Variants in GRIP1 observed in about 807,000 individuals in gnomAD.
GRIP1 encodes glutamate receptor-interacting protein 1.
A neutral mutation model predicts 129.9 loss-of-function variants in GRIP1; 45 were observed. That is an observed-to-expected ratio of 0.35 (90% CI 0.27 to 0.44). The LOEUF is 0.44. Among genes scored for constraint, GRIP1 ranks in the 20% least tolerant of loss-of-function variants. The pLI, the probability that GRIP1 is intolerant of heterozygous loss-of-function variation, is 1.00. For missense variants in GRIP1, 1,196 were observed against 1,396.8 expected (o/e 0.86, Z 2.29); for synonymous variants, 530 against 520.8 (o/e 1.02, Z -0.24).
At chr12:66,377,638 C>CTTTTTTT (rs3045282) in intron 20 of GRIP1, among the ~76,000 whole-genome samples, 3 of 124,612 alleles carry the variant, frequency 2.4e-5, no homozygotes, top group African/African-American at 6.3e-5. Flanking sequence ...CGCACCCGGC[C>CTTTTTTT]TTTTTTTTTT....
intron 1 of GRIP1, among the ~76,000 whole-genome samples, chr12:66,710,120 C>T (rs904471334): frequency 2.0e-4 from 31 of 151,812 alleles, no homozygotes; most frequent in African/African-American, 7.3e-4. Flanking sequence ...TGCTTTCATA[C>T]TATATTCATT....
intron 1 of GRIP1, among the ~76,000 whole-genome samples, chr12:67,068,848 A>ACCCC (rs2043679653): frequency 4.2e-4 from 1 of 2,402 alleles, no homozygotes; most frequent in African/African-American, 1.4e-3. Context: ...CTGCCCTCTC[A>ACCCC]TCCCGCCCCC....
At chr12:66,832,011 C>T (rs981553455) in intron 1 of GRIP1, among the ~76,000 whole-genome samples, 9 of 151,032 alleles carry the variant, frequency 6.0e-5, no homozygotes, top group African/African-American at 2.2e-4. Flanking sequence ...CATGTTCCAT[C>T]CAGACTCACA....
chr12:66,431,370 C>T (rs1344456262), intron 14 of GRIP1, among the ~76,000 whole-genome samples: 1 of 152,116 alleles, frequency 6.6e-6, no homozygotes, highest in Non-Finnish European at 1.5e-5. Context: ...GGGATCTAGG[C>T]TCTCTCCCAT....
chr12:66,675,843 G>C (rs936676745), intron 1 of GRIP1, among the ~76,000 whole-genome samples: 8 of 152,278 alleles, frequency 5.3e-5, no homozygotes, highest in African/African-American at 7.2e-5. Flanking sequence ...ATAATGGCAG[G>C]CATGGGCCTT....
In GRIP1 at chr12:66,521,117, T is replaced by C. The variant is rs368642809; in HGVS notation, c.503-3141A>G. ...TCTAAACCTCTCAATGAGTTCCTAG[T>C]TCCACATCCTCTCTACTACTCACTT... On this transcript the variant is annotated intron_variant, in intron 5 of 24. Transcript: ENST00000359742. 3.3e-5 allele frequency among the ~76,000 whole-genome samples: 5 copies of C among 152,184 alleles called. No homozygotes were observed. The East Asian group carries it at 9.6e-4, about 29-fold the overall frequency.
chr12:66,443,356 C>T (rs903114171), intron 13 of GRIP1, among the ~76,000 whole-genome samples: 2 of 152,150 alleles, frequency 1.3e-5, no homozygotes, highest in African/African-American at 4.8e-5. Context: ...TTCACTTTGT[C>T]CTCTGGCTAT....
intron 1 of GRIP1, among the ~76,000 whole-genome samples, chr12:66,684,851 A>G (rs572616508): frequency 2.5e-4 from 38 of 152,226 alleles, no homozygotes; most frequent in Non-Finnish European, 4.4e-4. Flanking sequence ...TCGAAATGAA[A>G]TGAAATGAAA....
At chr12:66,524,711 A>C (rs953257461) in intron 5 of GRIP1, among the ~76,000 whole-genome samples, 2 of 152,234 alleles carry the variant, frequency 1.3e-5, no homozygotes, top group African/African-American at 2.4e-5. Flanking sequence ...AGACACAAAA[A>C]ACTCTTCAAA....
At chr12:66,723,009 T>A (rs981648084) in intron 1 of GRIP1, among the ~76,000 whole-genome samples, 3 of 151,694 alleles carry the variant, frequency 2.0e-5, no homozygotes, top group African/African-American at 7.3e-5. Context: ...CAGAAAACTC[T>A]ACATCAGTGG....
intron 1 of GRIP1, among the ~76,000 whole-genome samples, chr12:66,888,492 TG>T (rs1197006216): frequency 6.6e-6 from 1 of 152,210 alleles, no homozygotes; most frequent in East Asian, 1.9e-4. Flanking sequence ...CCCAAGTAGC[TG>T]GGACTACAGG....
chr12:66,949,365 C>T (rs766907996), intron 1 of GRIP1, among the ~76,000 whole-genome samples: 4 of 152,156 alleles, frequency 2.6e-5, no homozygotes, highest in Non-Finnish European at 5.9e-5. Context: ...CATTATTCTG[C>T]AGTTTTACTC....
chr12:66,874,883 G>A (rs995150893), intron 1 of GRIP1, among the ~76,000 whole-genome samples: 1 of 151,912 alleles, frequency 6.6e-6, no homozygotes, highest in Admixed American at 6.6e-5. Context: ...CATTCCTTCA[G>A]GTGTTAAACT....
At chr12:66,740,406 T>G (rs2036751927) in intron 1 of GRIP1, among the ~76,000 whole-genome samples, 2 of 152,182 alleles carry the variant, frequency 1.3e-5, no homozygotes, top group South Asian at 4.1e-4. Context: ...GTTCTTGACT[T>G]CAACAAAGGA....
chr12:66,957,031 TC>T (rs2041852473), intron 1 of GRIP1, among the ~76,000 whole-genome samples: 1 of 152,020 alleles, frequency 6.6e-6, no homozygotes, highest in Admixed American at 6.6e-5. Flanking sequence ...CTGAACTGTG[TC>T]CCCCACAAAA....
chr12:67,006,699 G>A (rs190496605), intron 1 of GRIP1, among the ~76,000 whole-genome samples: 7 of 152,348 alleles, frequency 4.6e-5, no homozygotes, highest in Admixed American at 2.0e-4. Flanking sequence ...ACAGAAGGGA[G>A]CAGGCTCCAA....
intron 1 of GRIP1, among the ~76,000 whole-genome samples, chr12:67,029,170 G>A (rs530255526): frequency 1.3e-5 from 2 of 152,030 alleles, no homozygotes; most frequent in Non-Finnish European, 2.9e-5. Flanking sequence ...GGAGTGCAGC[G>A]GCACAATCTC....
chr12:66,802,189 T>C (rs534651260), intron 1 of GRIP1, among the ~76,000 whole-genome samples: 2 of 152,272 alleles, frequency 1.3e-5, no homozygotes, highest in South Asian at 4.1e-4. Context: ...AAATCCCAAG[T>C]GCCTGAGTCC....
In GRIP1 at chr12:66,791,950, C is replaced by G. The variant is rs144443712; in HGVS notation, c.-420+12103G>C. ...TTTGCCATTCCTGAGTTAGAGAAGT[C>G]AACAATGTTCTCACATGTGGGGATG... On this transcript the variant is annotated intron_variant, in intron 1 of 4. Transcript: ENST00000538373. Among the ~76,000 whole-genome samples the G allele has an allele frequency of 3.9e-3, 593 of 152,176 alleles. 3 individuals are homozygous for G. Among genetic ancestry groups the G allele is most frequent in the African/African-American group, 0.013 (548 of 41,512 alleles).
Sources: allele counts gnomAD v4.1 joint callset (sites outside exome capture counted in the v4.1 genomes callset), GRCh38; gene constraint gnomAD v4.1.1; transcripts MANE v1.5; gene names NCBI Gene and HGNC (gene_info 2026-07-23, HGNC 2026-07-21).